Variants in DHODH observed in about 807,000 individuals in gnomAD.
The protein encoded by DHODH is dihydroorotate dehydrogenase (quinone), mitochondrial.
Under a neutral mutation model 39.7 loss-of-function variants are expected in DHODH, and 30 were observed. The observed-to-expected ratio is 0.76, with a 90% confidence interval of 0.57 to 1.02. The LOEUF is 1.02. DHODH is among the 50% of genes least tolerant of loss of function. The probability of loss-of-function intolerance (pLI) is 0.00; values close to 1 mark genes in which losing one functional copy is unlikely to be tolerated. For synonymous variants in DHODH, 222 were observed against 213.8 expected (o/e 1.04, Z -0.34); for missense variants, 531 against 520.8 (o/e 1.02, Z -0.19).
In DHODH at chr16:72,021,140, G is replaced by A. The variant is rs761180542; in HGVS notation, c.534G>A (p.Gly178=). ...AKLTEDGLPL[G]VNLGKNKTSV... ...TGTTTGCAGATGGACTGCCTCTGGG[G>A]GTCAACTTGGGGAAGAACAAGACCT... The change falls in exon 5 of 9, where the codon GGG becomes GGA. Residue 178 remains glycine (G), a synonymous_variant. Coordinates refer to ENST00000219240, the MANE Select transcript of DHODH (RefSeq NM_001361.5). The A allele has an allele frequency of 1.2e-6, 2 of 1,607,712 alleles. No homozygotes were observed. The highest frequency in any genetic ancestry group is 1.1e-5 in the South Asian group (1 of 89,892).
intron 6 of DHODH, 108 bp from the exon 7 acceptor site, chr16:72,023,057 G>C: frequency 9.5e-7 from 1 of 1,053,848 alleles, no homozygotes; most frequent in Admixed American, 1.9e-5. Flanking sequence ...TGCTTTGGGG[G>C]CTGTAGGTGT....
At chr16:72,008,832 G>T in intron 1 of DHODH, 47 bp downstream of exon 1, 1 of 1,552,308 alleles carries the variant, frequency 6.4e-7, no homozygotes, top group South Asian at 1.2e-5. Flanking sequence ...AGGGACCGGG[G>T]AGGGCGAGAA....
intron 5 of DHODH, 145 bp from the exon 6 acceptor site, chr16:72,022,217 T>C (rs1245216206): frequency 1.5e-6 from 1 of 675,506 alleles, no homozygotes; most frequent in South Asian, 1.6e-5. Flanking sequence ...TCCTCACGTC[T>C]GAGGGCTGGC....
chr16:72,024,425 C>T lies in DHODH; in HGVS notation c.*226C>T. ...TTTTTGATTCTTTGTGGATTCAAAC[C>T]CTAGGATCCATCAGTCTTGCAAGGA... On this transcript the variant is annotated 3_prime_UTR_variant, in exon 9 of 9. Coordinates refer to ENST00000219240, the MANE Select transcript of DHODH (RefSeq NM_001361.5). 2 of 589,636 alleles carry T rather than the reference C, an allele frequency of 3.4e-6. No individual in the cohort carries two copies. The highest frequency in any genetic ancestry group is 6.1e-6 in the Non-Finnish European group (2 of 328,252). 36.5% of individuals were successfully genotyped at this position (589,636 alleles called of 1,614,324 possible). A position where few individuals can be genotyped will look rare whatever the true frequency, so the allele number is the denominator to read the frequency against.
At chr16:72,019,058 C>T (rs111993259) in intron 4 of DHODH, among the ~76,000 whole-genome samples, 5,107 of 152,288 alleles carry the variant, frequency 0.034, 105 homozygotes, top group East Asian at 0.051. Context: ...CAGGTTCAAG[C>T]GATTCTCCTT....
intron 2 of DHODH, among the ~76,000 whole-genome samples, chr16:72,013,354 G>T (rs1169851919): frequency 6.6e-6 from 1 of 152,156 alleles, no homozygotes; most frequent in Non-Finnish European, 1.5e-5. Context: ...CAGAGATGGG[G>T]TGAATTTAGA....
chr16:72,023,445 T>G, intron 7 of DHODH, 29 bp from the exon 8 acceptor site: 4 of 1,614,168 alleles, frequency 2.5e-6, no homozygotes, highest in Non-Finnish European at 3.4e-6. Flanking sequence ...ACATCCTTCT[T>G]TATGGTGTCG....
intron 2 of DHODH, among the ~76,000 whole-genome samples, chr16:72,012,583 A>C (rs1036755823): frequency 1.3e-5 from 2 of 152,220 alleles, no homozygotes; most frequent in African/African-American, 2.4e-5. Flanking sequence ...TCACACAGCT[A>C]GGAGGTAGCA....
chr16:72,020,481 G>C (rs1032477257), intron 4 of DHODH: 1 of 150,330 alleles, frequency 6.7e-6, no homozygotes, highest in Non-Finnish European at 1.5e-5. Context: ...TCAGCCTCCC[G>C]AGCAGCTAGG....
chr16:72,020,329 G>GTATATATATATATATATATATATA (rs60652629), intron 4 of DHODH: 1 of 102,202 alleles, frequency 9.8e-6, no homozygotes, highest in African/African-American at 4.5e-5. Flanking sequence ...ATGTATATGT[G>GTATATATATATATATATATATATA]TATATATATA....
chr16:72,022,577 C>T, intron 6 of DHODH, 102 bp downstream of exon 6: 4 of 935,384 alleles, frequency 4.3e-6, no homozygotes, highest in Non-Finnish European at 6.7e-6. Context: ...GATTTCCTCT[C>T]CTTGGTATTC....
rs1233502137 is a variant in DHODH, at chr16:72,024,302, C to T, written c.*103C>T. ...GAGGGACTCCATCTTGAGCCATGTC[C>T]CCCAGCCATGGCATGGCTGCACTGT... On this transcript the variant is annotated 3_prime_UTR_variant, in exon 9 of 9. Transcript: ENST00000219240. The T allele has an allele frequency of 7.7e-7, 1 of 1,305,470 alleles. No individual in the cohort carries two copies. The highest frequency in any genetic ancestry group is 1.1e-6 in the Non-Finnish European group (1 of 907,938). The allele number at this position is 1,305,470 out of a possible 1,614,324, so 80.9% of individuals were successfully genotyped here.
At position 72,023,557 on chromosome 16, in the gene DHODH, C is replaced by T; in HGVS notation, c.1057C>T (p.Gln353Ter). Residue 353 changes from glutamine (Q) to a stop codon, truncating the protein, a stop_gained, in exon 8 of 9, where the codon CAG becomes TAG. Transcript: ENST00000219240. LOFTEE classifies it high-confidence loss of function. ...GATCCGGGCAGGGGCCTCCCTGGTG[C>T]AGCTGTACACGGCCCTCACCTTCTG... ...EKIRAGASLV[Q>*]LYTALTFWGP... 6.2e-7 allele frequency: 1 copy of T among 1,614,134 alleles called. No homozygotes were observed.
rs375724555 is a variant in DHODH, at chr16:72,025,926, C to T, written c.*1727C>T. The T allele has an allele frequency of 7.9e-5, 12 of 152,426 alleles. No homozygotes were observed. In the East Asian group the frequency reaches 1.5e-3, roughly 20 times the overall value. 9.4% of individuals were successfully genotyped at this position (152,426 alleles called of 1,614,324 possible). On this transcript the variant is annotated 3_prime_UTR_variant, in exon 9 of 9. Coordinates refer to ENST00000219240, the MANE Select transcript of DHODH (RefSeq NM_001361.5). The stretch of plus-strand genomic sequence containing the variant: ...ATTGTCCAGTCCCCCTGCGTGGAGG[C>T]TGCTTGGCTGGGCTCGAGCCCAGCG...
chr16:72,011,491 C>T (rs1223894674), intron 1 of DHODH, among the ~76,000 whole-genome samples: 1 of 152,150 alleles, frequency 6.6e-6, no homozygotes, highest in Non-Finnish European at 1.5e-5. Flanking sequence ...ATTGGCTGGG[C>T]TTGGTGGCAT....
intron 4 of DHODH, among the ~76,000 whole-genome samples, chr16:72,020,674 G>A (rs1370506725): frequency 1.3e-5 from 2 of 151,986 alleles, no homozygotes; most frequent in East Asian, 3.9e-4. Context: ...TTTTATACAT[G>A]TTCTTTCATT....
intron 2 of DHODH, among the ~76,000 whole-genome samples, chr16:72,012,639 C>T (rs1179714975): frequency 2.0e-5 from 3 of 152,242 alleles, no homozygotes; most frequent in Non-Finnish European, 4.4e-5. Flanking sequence ...CTTCCCGCCC[C>T]TTGGCCACTG....
chr16:72,020,921 C>G (rs2041205985), intron 4 of DHODH, among the ~76,000 whole-genome samples: 1 of 152,222 alleles, frequency 6.6e-6, no homozygotes, highest in Non-Finnish European at 1.5e-5. Flanking sequence ...GCTGCCCAGA[C>G]TTTGCTAGAC....
In DHODH at chr16:72,015,307, A is replaced by C. The variant is rs370515883; in HGVS notation, c.434+635A>C. On this transcript the variant is annotated intron_variant, in intron 3 of 8. Coordinates refer to ENST00000219240, the MANE Select transcript of DHODH (RefSeq NM_001361.5). ...GCTGCATTCCCAGCAGCCAGTAGCC[A>C]CATGCGGCCAGCAGGCTTGTATTGG... Among the ~76,000 whole-genome samples the C allele has an allele frequency of 4.6e-5, 7 of 152,378 alleles. No homozygotes were observed. In the South Asian group the frequency reaches 1.4e-3, roughly 32 times the overall value.
Sources: gnomAD v4.1 joint callset for allele counts (sites outside exome capture counted in the v4.1 genomes callset) on GRCh38, gnomAD v4.1.1 for gene constraint, MANE v1.5 for transcripts, NCBI Gene and HGNC (gene_info 2026-07-23, HGNC 2026-07-21) for gene names.